Variants in MYLK observed in about 807,000 individuals in gnomAD.
MYLK encodes myosin light chain kinase, also known as myosin light chain kinase, smooth muscle.
In MYLK, 106 loss-of-function variants were observed where a neutral mutation model predicts 203.4. The ratio of observed to expected loss-of-function variants is 0.52; its 90% CI spans 0.45 to 0.61. MYLK has a LOEUF of 0.61. Ranked by LOEUF, MYLK falls within the 20% of genes least tolerant of loss-of-function variation. MYLK has a pLI of 0.00. For missense variants in MYLK, 2,072 were observed against 2,442.3 expected (o/e 0.85, Z 3.20); for synonymous variants, 867 against 959.5 (o/e 0.90, Z 1.78).
At chr3:123,684,784 C>T (rs1035808907) in intron 19 of MYLK, among the ~76,000 whole-genome samples, 10 of 152,206 alleles carry the variant, frequency 6.6e-5, no homozygotes, top group Non-Finnish European at 1.5e-4. Flanking sequence ...GATCTGCCTG[C>T]GTCAGCCTCC....
chr3:123,660,552 T>TA, intron 23 of MYLK, among the ~76,000 whole-genome samples: 1 of 152,304 alleles, frequency 6.6e-6, no homozygotes, highest in South Asian at 2.1e-4. Flanking sequence ...GGCTGCCTTT[T>TA]AAAATATAAT....
chr3:123,611,290 T>A lies in MYLK; in HGVS notation c.*2815A>T. The A allele has an allele frequency of 6.6e-6, 1 of 152,206 alleles. No individual in the cohort carries two copies. Among genetic ancestry groups the A allele is most frequent in the Non-Finnish European group, 1.5e-5 (1 of 68,034 alleles). The allele number at this position is 152,206 out of a possible 1,614,324, so 9.4% of individuals were successfully genotyped here. ...GACATGGGGAACTTGCCATCTGATA[T>A]CTGATAACAGACTTCCTGTAAAGCA... On this transcript the variant is annotated 3_prime_UTR_variant, in exon 34 of 34. Transcript: ENST00000360304.
At chr3:123,776,031 C>T (rs994960337) in intron 4 of MYLK, among the ~76,000 whole-genome samples, 1 of 152,190 alleles carries the variant, frequency 6.6e-6, no homozygotes, top group Non-Finnish European at 1.5e-5. Context: ...CCAGCAGACG[C>T]CATTACCGGT....
At chr3:123,657,460 C>T in intron 23 of MYLK, 32 bp from the exon 24 acceptor site, 2 of 1,610,034 alleles carry the variant, frequency 1.2e-6, no homozygotes, top group Non-Finnish European at 1.7e-6. Flanking sequence ...ATCACCCACA[C>T]TTTCCAGAAT....
At chr3:123,850,519 T>C (rs1249622904) in intron 2 of MYLK, among the ~76,000 whole-genome samples, 3 of 152,240 alleles carry the variant, frequency 2.0e-5, no homozygotes, top group African/African-American at 7.2e-5. Flanking sequence ...TTTTCATTTG[T>C]CTTTTGGCTG....
In MYLK at chr3:123,692,855, G is replaced by A; in HGVS notation, c.3449-4C>T. 3 of 1,612,296 alleles carry A rather than the reference G, an allele frequency of 1.9e-6. No individual in the cohort carries two copies. The highest frequency in any genetic ancestry group is 2.5e-6 in the Non-Finnish European group (3 of 1,178,530). ...ATGGAGACGGAGCAGAGTGAGCCTG[G>A]GGAGGAAGAATTGTGGAGTGAACCA... On this transcript the variant is annotated splice_region_variant and splice_polypyrimidine_tract_variant and intron_variant, in intron 18 of 33. Coordinates refer to ENST00000360304, the MANE Select transcript of MYLK (RefSeq NM_053025.4).
chr3:123,614,434 A>G (rs2057351911), intron 33 of MYLK, 85 bp from the exon 34 acceptor site: 1 of 1,553,284 alleles, frequency 6.4e-7, no homozygotes, highest in East Asian at 2.3e-5. Context: ...GTAAGCTACC[A>G]CTATTGATTA....
intron 4 of MYLK, among the ~76,000 whole-genome samples, chr3:123,761,533 T>C (rs1174216595): frequency 6.6e-6 from 1 of 152,102 alleles, no homozygotes; most frequent in Admixed American, 6.5e-5. Context: ...TGCTGGAAAA[T>C]ACCTGGCACA....
intron 4 of MYLK, among the ~76,000 whole-genome samples, chr3:123,773,012 T>C (rs1350917091): frequency 6.6e-6 from 1 of 152,104 alleles, no homozygotes. Flanking sequence ...ATTCAATAAT[T>C]CTATTTCTAA....
intron 11 of MYLK, among the ~76,000 whole-genome samples, chr3:123,727,277 C>G (rs1056562363): frequency 9.2e-5 from 14 of 152,270 alleles, no homozygotes; most frequent in Admixed American, 5.2e-4. Flanking sequence ...GAGGGTCAGA[C>G]AGACCACCCA....
At chr3:123,710,111 A>C (rs376391608) in intron 13 of MYLK, among the ~76,000 whole-genome samples, 95 of 152,320 alleles carry the variant, frequency 6.2e-4, no homozygotes, top group African/African-American at 2.2e-3. Context: ...CCTGATAGCC[A>C]GGAATGAACA....
chr3:123,847,512 T>C (rs918466451), intron 2 of MYLK, among the ~76,000 whole-genome samples: 1 of 152,162 alleles, frequency 6.6e-6, no homozygotes, highest in Non-Finnish European at 1.5e-5. Context: ...CTGATGTTAC[T>C]GTGTATTGTT....
At chr3:123,753,690 C>T (rs367704055) in intron 4 of MYLK, among the ~76,000 whole-genome samples, 6 of 152,252 alleles carry the variant, frequency 3.9e-5, no homozygotes, top group African/African-American at 1.4e-4. Context: ...ACTCAGTAGG[C>T]TCTTCAGAAT....
chr3:123,804,318 T>C (rs1206268293), intron 3 of MYLK, among the ~76,000 whole-genome samples: 2 of 152,200 alleles, frequency 1.3e-5, no homozygotes, highest in East Asian at 3.9e-4. Context: ...GGTGTGCTAT[T>C]GGTGCTGTAG....
At chr3:123,759,933 G>A (rs1255312213) in intron 4 of MYLK, among the ~76,000 whole-genome samples, 1 of 152,184 alleles carries the variant, frequency 6.6e-6, no homozygotes, top group East Asian at 1.9e-4. Context: ...TCAGGTATAT[G>A]AGACAATACA....
At chr3:123,806,341 G>C (rs1657851703) in intron 3 of MYLK, among the ~76,000 whole-genome samples, 2 of 152,134 alleles carry the variant, frequency 1.3e-5, no homozygotes, top group African/African-American at 4.8e-5. Flanking sequence ...CTCTGAAGCT[G>C]GCAAAGCACA....
chr3:123,792,754 G>T (rs542179847), intron 4 of MYLK, among the ~76,000 whole-genome samples: 1 of 152,264 alleles, frequency 6.6e-6, no homozygotes, highest in East Asian at 1.9e-4. Context: ...CCCTCATCCT[G>T]GTAGTGCCCA....
chr3:123,656,549 A>G (rs1284928606), intron 24 of MYLK, among the ~76,000 whole-genome samples: 1 of 152,078 alleles, frequency 6.6e-6, no homozygotes, highest in African/African-American at 2.4e-5. Context: ...CCTGCCTTTT[A>G]GAATCCTATC....
intron 31 of MYLK, among the ~76,000 whole-genome samples, chr3:123,626,230 C>T (rs558567135): frequency 6.6e-6 from 1 of 152,208 alleles, no homozygotes; most frequent in Non-Finnish European, 1.5e-5. Context: ...CTAAAGGCCA[C>T]ATGAGGATGA....
Sources: gnomAD v4.1 joint callset for allele counts (sites outside exome capture counted in the v4.1 genomes callset) on GRCh38, gnomAD v4.1.1 for gene constraint, MANE v1.5 for transcripts, NCBI Gene and HGNC (gene_info 2026-07-23, HGNC 2026-07-21) for gene names.